PCDHGC4: variants seen among roughly 807,000 people sequenced by gnomAD.
PCDHGC4 encodes protocadherin gamma subfamily C, 4, also known as protocadherin gamma-C4.
In PCDHGC4, 15 loss-of-function variants were observed where a neutral mutation model predicts 59.7. The ratio of observed to expected loss-of-function variants is 0.25; its 90% CI spans 0.17 to 0.39. The LOEUF is 0.39. Among genes scored for constraint, PCDHGC4 ranks in the 10% least tolerant of loss-of-function variants. PCDHGC4 has a pLI of 1.00. For missense variants in PCDHGC4, 1,016 were observed against 1,189.5 expected (o/e 0.85, Z 2.15); for synonymous variants, 434 against 481.4 (o/e 0.90, Z 1.29).
intron 2 of PCDHGC4, among the ~76,000 whole-genome samples, chr5:141,502,296 G>A (rs758304596): frequency 7.9e-5 from 12 of 151,130 alleles, no homozygotes; most frequent in Non-Finnish European, 1.2e-4. Context: ...TGGTTGTCAC[G>A]TCTTTCCTCT....
chr5:141,505,794 G>A (rs1423502957), intron 3 of PCDHGC4, among the ~76,000 whole-genome samples: 1 of 152,142 alleles, frequency 6.6e-6, no homozygotes, highest in East Asian at 1.9e-4. Context: ...CTATCCTTGG[G>A]ACTTGGATCG....
rs1441791773 is a variant in PCDHGC4, at chr5:141,486,038, G to A, written c.865G>A (p.Val289Ile). The A allele has an allele frequency of 1.9e-6, 3 of 1,614,066 alleles. No individual in the cohort carries two copies. The highest frequency in any genetic ancestry group is 1.1e-5 in the South Asian group (1 of 91,088). Residue 289 changes from valine to isoleucine, a missense_variant, in exon 1 of 4, where the codon GTA (valine) becomes ATA (isoleucine). Val to Ile is a conservative substitution (Grantham distance 29). Coordinates refer to ENST00000306593, the MANE Select transcript of PCDHGC4 (RefSeq NM_018928.3). The surrounding 1 kb of genome is among the most constrained non-coding windows in gnomAD (Gnocchi z 5.0). ...TTTCAGTGGTCATACCCCTGATCGT[G>A]TAAGAAACCTCTTTAGCCTGCACCC... ...FYFSGHTPDR[V>I]RNLFSLHPTT...
intron 1 of PCDHGC4, chr5:141,492,073 G>C (rs2099736846): frequency 6.2e-6 from 3 of 480,898 alleles, no homozygotes; most frequent in Non-Finnish European, 1.1e-5. Flanking sequence ...CCTAGGCGCC[G>C]GCTCCGGCAC....
chr5:141,494,676 C>G, intron 1 of PCDHGC4, 131 bp from the exon 2 acceptor site: 1 of 1,550,918 alleles, frequency 6.4e-7, no homozygotes, highest in African/African-American at 1.4e-5. Context: ...GAGTCCACCC[C>G]TGCCCCCTCT....
chr5:141,493,694 G>A lies in PCDHGC4; in HGVS notation c.2443-1113G>A, dbSNP rs929897875. On this transcript the variant is annotated intron_variant, in intron 1 of 3. Transcript: ENST00000306593. This position sits in a 1 kb window ranked among gnomAD's most constrained non-coding sequence, Gnocchi z 4.3. ...CCCCAGAATGGTGCTGGTGACTCCC[G>A]ATACACCTGGAATGCTAGGTTTCTG... Among the ~76,000 whole-genome samples the A allele has an allele frequency of 5.9e-5, 9 of 152,130 alleles. No individual in the cohort carries two copies. Among genetic ancestry groups the A allele is most frequent in the African/African-American group, 9.7e-5 (4 of 41,404 alleles).
chr5:141,490,417 C>A lies in PCDHGC4; in HGVS notation c.2442+2802C>A, dbSNP rs767996336. ...AGTGAGCCTTGATATCTCTCCGGAC[C>A]TGCCATTTCAGATTAAGCCTTCTGA... On this transcript the variant is annotated intron_variant, in intron 1 of 3. Transcript: ENST00000306593. The surrounding 1 kb of genome is among the most constrained non-coding windows in gnomAD (Gnocchi z 5.4). 4.3e-6 allele frequency: 7 copies of A among 1,614,196 alleles called. No homozygotes were observed. In the South Asian group the frequency reaches 7.7e-5, roughly 18 times the overall value.
In PCDHGC4 at chr5:141,511,035, C is replaced by T. The variant is rs373005862; in HGVS notation, c.2679C>T (p.His893=). Residue 893 remains histidine (H), a synonymous_variant, in exon 4 of 4, where the codon CAC becomes CAT. Transcript: ENST00000306593. ...ACGGACCCCAGTTCACCCTGCAGCA[C>T]GTGCCCGACTACCGCCAGAATGTCT... ...ARYGPQFTLQ[H]VPDYRQNVYI... The T allele has an allele frequency of 1.7e-5, 27 of 1,614,208 alleles. No individual in the cohort carries two copies. The African/African-American group carries it at 2.9e-4, about 18-fold the overall frequency.
chr5:141,491,368 A>G lies in PCDHGC4; in HGVS notation c.2443-3439A>G. ...CAGTCTCTTATCCCTAGTCACCTTC[A>G]CCTTTCTGTCAGCGAAGTGCCTTCA... On this transcript the variant is annotated intron_variant, in intron 1 of 3. Transcript: ENST00000306593. This position sits in a 1 kb window ranked among gnomAD's most constrained non-coding sequence, Gnocchi z 6.9. 6.2e-7 allele frequency: 1 copy of G among 1,613,842 alleles called. No homozygotes were observed. The highest frequency in any genetic ancestry group is 8.5e-7 in the Non-Finnish European group (1 of 1,179,940).
chr5:141,494,712 C>T, intron 1 of PCDHGC4, 95 bp from the exon 2 acceptor site: 1 of 1,603,048 alleles, frequency 6.2e-7, no homozygotes, highest in Non-Finnish European at 8.5e-7. Context: ...TCTGTGCCCA[C>T]TCCCCTCCTT....
At position 141,491,724 on chromosome 5, in the gene PCDHGC4, G is replaced by A; in HGVS notation, c.2443-3083G>A. ...AGGTGAGGGGCTCGGCGCCGCCCCGGGCGACCCCTGGGGGCGGCACTGGAG... is the reference window on the plus strand; with the variant it reads ...AGGTGAGGGGCTCGGCGCCGCCCCGAGCGACCCCTGGGGGCGGCACTGGAG... On this transcript the variant is annotated intron_variant, in intron 1 of 3. Coordinates refer to ENST00000306593, the MANE Select transcript of PCDHGC4 (RefSeq NM_018928.3). This position sits in a 1 kb window ranked among gnomAD's most constrained non-coding sequence, Gnocchi z 6.9. 1 of 1,606,454 alleles carries A rather than the reference G, an allele frequency of 6.2e-7. No individual in the cohort carries two copies. The highest frequency in any genetic ancestry group is 1.1e-5 in the South Asian group (1 of 90,304).
At chr5:141,508,983 C>T (rs532410967) in intron 3 of PCDHGC4, among the ~76,000 whole-genome samples, 44 of 152,148 alleles carry the variant, frequency 2.9e-4, no homozygotes, top group Non-Finnish European at 4.4e-4. Flanking sequence ...GGGGTGGGGG[C>T]CAGCTGGGGT....
chr5:141,504,351 G>A (rs77439649), intron 2 of PCDHGC4, among the ~76,000 whole-genome samples: 2 of 152,010 alleles, frequency 1.3e-5, no homozygotes, highest in African/African-American at 4.8e-5. Context: ...CTTTGTGCTA[G>A]GTGCTTCAGT....
At chr5:141,504,709 C>G (rs11743102) in intron 2 of PCDHGC4, among the ~76,000 whole-genome samples, 29,287 of 151,306 alleles carry the variant, frequency 0.19, 2,876 homozygotes, top group Middle Eastern at 0.24. Context: ...CTTCTATGGC[C>G]GTGGATTTTA....
At position 141,485,698 on chromosome 5, in the gene PCDHGC4, T is replaced by C. The variant is rs1175015922; in HGVS notation, c.525T>C (p.Asn175=). ...TTAGCAGCTATAGGCTGAGCTCCAA[T>C]GAACACTTTGCACTGGATGTGAAGA... ...NSISSYRLSS[N]EHFALDVKKR... is the part of the protein sequence containing the mutation. The change falls in exon 1 of 4, where the codon AAT becomes AAC. Residue 175 remains asparagine, a synonymous_variant. Transcript: ENST00000306593. This position sits in a 1 kb window ranked among gnomAD's most constrained non-coding sequence, Gnocchi z 5.7. 6.2e-7 allele frequency: 1 copy of C among 1,613,994 alleles called. No homozygotes were observed. The highest frequency in any genetic ancestry group is 8.5e-7 in the Non-Finnish European group (1 of 1,180,002).
At position 141,491,711 on chromosome 5, in the gene PCDHGC4, C is replaced by T. The variant is rs528931820; in HGVS notation, c.2443-3096C>T. 1.5e-5 allele frequency: 24 copies of T among 1,609,240 alleles called. No homozygotes were observed. In the African/African-American group the frequency reaches 1.7e-4, roughly 12 times the overall value. On this transcript the variant is annotated intron_variant, in intron 1 of 3. Transcript: ENST00000306593. This position sits in a 1 kb window ranked among gnomAD's most constrained non-coding sequence, Gnocchi z 6.9. ...CGGGAGCGGAGCCAGGTGAGGGGCT[C>T]GGCGCCGCCCCGGGCGACCCCTGGG... is the stretch of plus-strand genomic sequence containing the variant.
Position 141,510,980 on chromosome 5 carries a change from G to C in PCDHGC4, c.2624G>C (p.Gly875Ala), listed in dbSNP as rs1466168256. 12 of 1,614,170 alleles carry C rather than the reference G, an allele frequency of 7.4e-6. No individual in the cohort carries two copies. The highest frequency in any genetic ancestry group is 9.3e-6 in the Non-Finnish European group (11 of 1,180,014). ...AADGSSTLGG[G>A]AGTMGLSARY... ...GATGGGAGCTCCACCCTGGGAGGGG[G>C]TGCCGGCACCATGGGATTGAGCGCC... is the stretch of plus-strand genomic sequence containing the variant. Residue 875 changes from glycine (G) to alanine (A), a missense_variant, in exon 4 of 4, where the codon GGT becomes GCT. By Grantham distance (60) the Gly-to-Ala change is moderately conservative (BLOSUM62 0). Transcript: ENST00000306593.
At position 141,511,319 on chromosome 5, in the gene PCDHGC4, C is replaced by T. The variant is rs2099883711; in HGVS notation, c.*146C>T. On this transcript the variant is annotated 3_prime_UTR_variant, in exon 4 of 4. Coordinates refer to ENST00000306593, the MANE Select transcript of PCDHGC4 (RefSeq NM_018928.3). ...CCATGCTCCCCTTGGGAAACAGAAA[C>T]AAGTGCCCAGTCAGCACCTACCCCT... 1.4e-6 allele frequency: 2 copies of T among 1,477,302 alleles called. No homozygotes were observed. The highest frequency in any genetic ancestry group is 1.4e-5 in the African/African-American group (1 of 70,920). 91.5% of individuals were successfully genotyped at this position (1,477,302 alleles called of 1,614,324 possible).
rs2099725414 is a variant in PCDHGC4, at chr5:141,491,703, GA to G, written c.2443-3103del. On this transcript the variant is annotated intron_variant, in intron 1 of 3. Coordinates refer to ENST00000306593, the MANE Select transcript of PCDHGC4 (RefSeq NM_018928.3). The surrounding 1 kb of genome is among the most constrained non-coding windows in gnomAD (Gnocchi z 6.9). ...ATACGCTGCGGGAGCGGAGCCAGGT[GA>G]GGGGCTCGGCGCCGCCCCGGGCGAC... is the stretch of plus-strand genomic sequence containing the variant. The G allele has an allele frequency of 3.7e-6, 6 of 1,611,396 alleles. No homozygotes were observed.
At chr5:141,492,132 C>A (rs1289132641) in intron 1 of PCDHGC4, among the ~76,000 whole-genome samples, 3 of 152,220 alleles carry the variant, frequency 2.0e-5, no homozygotes, top group African/African-American at 4.8e-5. Context: ...CAGCTCCCAG[C>A]ATCTGTGACT....
Sources: allele counts gnomAD v4.1 joint callset (sites outside exome capture counted in the v4.1 genomes callset), GRCh38; gene constraint gnomAD v4.1.1; non-coding constraint Gnocchi (gnomAD v3.1); transcripts MANE v1.5; gene names NCBI Gene and HGNC (gene_info 2026-07-23, HGNC 2026-07-21).